NOS1: variants seen among roughly 807,000 people sequenced by gnomAD.
The protein encoded by NOS1 is nitric oxide synthase 1, also known as NOS type I.
In NOS1, 51 loss-of-function variants were observed where a neutral mutation model predicts 164.5. That is an observed-to-expected ratio of 0.31 (90% CI 0.25 to 0.39). The LOEUF (loss-of-function observed/expected upper bound fraction) is 0.39. Among genes scored for constraint, NOS1 ranks in the 10% least tolerant of loss-of-function variants. NOS1 has a pLI of 1.00. For synonymous variants in NOS1, 719 were observed against 745.8 expected (o/e 0.96, Z 0.59); for missense variants, 1,362 against 1,885.6 (o/e 0.72, Z 5.14).
rs1205518048 is a variant in NOS1 at position 117,330,840 on chromosome 12, T to C, written c.230A>G (p.Tyr77Cys). The C allele has an allele frequency of 1.2e-6, 2 of 1,614,006 alleles. No homozygotes were observed. The highest frequency in any genetic ancestry group is 1.7e-5 in the Admixed American group (1 of 60,022). ...VNGRPLVDLS[Y>C]DSALEVLRGI... ...TCTGAGTACCTCCAGGGCGCTGTCA[T>C]AGCTCAGGTCCACCAAGGGCCGGCC... The change falls in exon 2 of 29, where the codon TAT becomes TGT. Residue 77 changes from tyrosine (Y) to cysteine (C), a missense_variant. Tyr to Cys is a radical substitution (Grantham distance 194, BLOSUM62 -2). Around this residue, in one of 4 missense-constraint regions of NOS1, gnomAD observed 362 missense variants for 402.0 expected, o/e 0.90. Transcript: ENST00000317775. The surrounding 1 kb of genome is among the most constrained non-coding windows in gnomAD (Gnocchi z 4.6).
chr12:117,217,587 C>T (rs865990459), intron 28 of NOS1, among the ~76,000 whole-genome samples: 1 of 152,008 alleles, frequency 6.6e-6, no homozygotes, highest in Non-Finnish European at 1.5e-5. Flanking sequence ...CGCCTGTAGT[C>T]CTAGCTACTT....
Position 117,209,200 on chromosome 12 carries a change from C to T in NOS1, c.*6109G>A. 1.0e-6 allele frequency: 1 copy of T among 985,322 alleles called. No homozygotes were observed. Among genetic ancestry groups the T allele is most frequent in the African/African-American group, 1.7e-5 (1 of 57,322 alleles). The allele number at this position is 985,322 out of a possible 1,614,324, so 61.0% of individuals were successfully genotyped here. On this transcript the variant is annotated 3_prime_UTR_variant, in exon 29 of 29. Transcript: ENST00000317775. ...GGTAGCCAGCAGAGATTCTCTTGAC[C>T]CTGAAGTCCAAGAGAGGGGTGTTGC...
chr12:117,248,021 T>A (rs1870775888), intron 17 of NOS1, among the ~76,000 whole-genome samples: 1 of 150,528 alleles, frequency 6.6e-6, no homozygotes, highest in East Asian at 1.9e-4. Flanking sequence ...TCTCTCTAGC[T>A]CCCTCTCTCT....
chr12:117,299,396 T>G (rs1363206894), intron 3 of NOS1, among the ~76,000 whole-genome samples: 1 of 151,960 alleles, frequency 6.6e-6, no homozygotes, highest in Admixed American at 6.6e-5. Context: ...CCCAGCACTT[T>G]GGGAGGCCGA....
intron 20 of NOS1, among the ~76,000 whole-genome samples, chr12:117,241,817 A>G (rs1334036182): frequency 6.6e-6 from 1 of 152,210 alleles, no homozygotes; most frequent in Non-Finnish European, 1.5e-5. Flanking sequence ...CAAATTGGTG[A>G]TGGTAATAAT....
intron 1 of NOS1, among the ~76,000 whole-genome samples, chr12:117,359,686 G>A (rs892468205): frequency 6.6e-6 from 1 of 151,596 alleles, no homozygotes; most frequent in African/African-American, 2.4e-5. Flanking sequence ...GTTTGAGCTG[G>A]GCTATGGGAG....
At chr12:117,251,596 ATTT>A (rs11347925) in intron 17 of NOS1, among the ~76,000 whole-genome samples, 8 of 136,152 alleles carry the variant, frequency 5.9e-5, no homozygotes, top group African/African-American at 8.3e-5. Flanking sequence ...AATTTTTTTC[ATTT>A]TTTTTTTTTT....
intron 6 of NOS1, among the ~76,000 whole-genome samples, chr12:117,285,788 C>G (rs1418691732): frequency 6.6e-6 from 1 of 152,140 alleles, no homozygotes; most frequent in Non-Finnish European, 1.5e-5. Flanking sequence ...AGGGAGTAGG[C>G]AGATAAATAG....
intron 1 of NOS1, among the ~76,000 whole-genome samples, chr12:117,334,161 C>T (rs1875689531): frequency 1.3e-5 from 2 of 152,220 alleles, no homozygotes; most frequent in South Asian, 4.1e-4. Flanking sequence ...TGGCCACTCT[C>T]AGCACGTTCT....
At chr12:117,354,186 C>T (rs1055847468) in intron 1 of NOS1, among the ~76,000 whole-genome samples, 1 of 151,500 alleles carries the variant, frequency 6.6e-6, no homozygotes, top group African/African-American at 2.5e-5. Context: ...AGAAATCCTA[C>T]ACCTTGCCGG....
intron 22 of NOS1, among the ~76,000 whole-genome samples, chr12:117,229,230 A>G (rs997748156): frequency 2.6e-5 from 4 of 152,014 alleles, no homozygotes; most frequent in African/African-American, 7.3e-5. Context: ...ACTGACATCC[A>G]TCACCCTGTT....
intron 1 of NOS1, among the ~76,000 whole-genome samples, chr12:117,340,036 G>C (rs148654576): frequency 1.5e-3 from 227 of 152,148 alleles, no homozygotes; most frequent in African/African-American, 4.8e-3. Flanking sequence ...ACAGGGTCTC[G>C]CTTTGTTGCC....
chr12:117,267,171 A>G (rs1007267529), intron 11 of NOS1, among the ~76,000 whole-genome samples: 1 of 152,200 alleles, frequency 6.6e-6, no homozygotes, highest in African/African-American at 2.4e-5. Flanking sequence ...CCCCCAGAGG[A>G]CAGTGATGGT....
chr12:117,242,516 T>C (rs1300501867), intron 20 of NOS1, 111 bp downstream of exon 20: 12 of 907,980 alleles, frequency 1.3e-5, no homozygotes, highest in Non-Finnish European at 2.2e-5. Flanking sequence ...TCTATGGCAC[T>C]TTGCAATGAT....
intron 19 of NOS1, among the ~76,000 whole-genome samples, chr12:117,242,984 T>C (rs1485214851): frequency 1.3e-5 from 2 of 152,168 alleles, no homozygotes; most frequent in Non-Finnish European, 2.9e-5. Flanking sequence ...AGAGAGGAGA[T>C]GAGGCAGGCA....
rs975357393 is a variant in NOS1 at position 117,208,651 on chromosome 12, G to T, written c.*6658C>A. 9 of 1,142,252 alleles carry T rather than the reference G, an allele frequency of 7.9e-6. No homozygotes were observed. Among genetic ancestry groups the T allele is most frequent in the East Asian group, 1.3e-4 (2 of 15,146 alleles). 70.8% of individuals were successfully genotyped at this position (1,142,252 alleles called of 1,614,324 possible). On this transcript the variant is annotated 3_prime_UTR_variant, in exon 29 of 29. Coordinates refer to ENST00000317775, the MANE Select transcript of NOS1 (RefSeq NM_000620.5). ...GCTCAAGAGCACTGGATCTCAGTGAGTCTTAATCAGAACCAACACCAAGGA... is the reference window on the plus strand; with the variant it reads ...GCTCAAGAGCACTGGATCTCAGTGATTCTTAATCAGAACCAACACCAAGGA...
intron 1 of NOS1, among the ~76,000 whole-genome samples, chr12:117,354,717 A>G (rs112615578): frequency 0.025 from 3,732 of 152,204 alleles, 145 homozygotes; most frequent in African/African-American, 0.083. Context: ...ACATCTAGTT[A>G]TTGGTGAGTG....
intron 2 of NOS1, among the ~76,000 whole-genome samples, chr12:117,325,079 C>T (rs1351712232): frequency 2.0e-5 from 3 of 152,182 alleles, no homozygotes; most frequent in Non-Finnish European, 4.4e-5. Context: ...CCCCGACTGG[C>T]GTGTGTGTCC....
intron 22 of NOS1, among the ~76,000 whole-genome samples, chr12:117,227,853 C>T (rs1868841061): frequency 6.6e-6 from 1 of 151,946 alleles, no homozygotes; most frequent in Admixed American, 6.6e-5. Context: ...ATAGTAAGAC[C>T]CTGTCTCTAC....
Sources: gnomAD v4.1 joint callset for allele counts (sites outside exome capture counted in the v4.1 genomes callset) on GRCh38, gnomAD v4.1.1 for gene constraint, gnomAD v4.1.1 regional missense constraint, Gnocchi (gnomAD v3.1) non-coding constraint, MANE v1.5 for transcripts, NCBI Gene and HGNC (gene_info 2026-07-23, HGNC 2026-07-21) for gene names.